Variants in PPARGC1A observed in about 807,000 individuals in gnomAD.
PPARGC1A encodes the protein PPARG coactivator 1 alpha.
In PPARGC1A, 25 loss-of-function variants were observed where a neutral mutation model predicts 88.7. The observed-to-expected ratio is 0.28, with a 90% CI of 0.21 to 0.39. The LOEUF (loss-of-function observed/expected upper bound fraction) is 0.39. Ranked by LOEUF, PPARGC1A falls within the 10% of genes least tolerant of loss-of-function variation. PPARGC1A has a pLI of 1.00. For missense variants in PPARGC1A, 880 were observed against 968.7 expected (o/e 0.91, Z 1.22); for synonymous variants, 363 against 355.6 (o/e 1.02, Z -0.24).
At chr4:23,995,599 C>T in the PPARGC1A span, among the ~76,000 whole-genome samples, 1 of 152,304 alleles carries the variant, frequency 6.6e-6, no homozygotes, top group Non-Finnish European at 1.5e-5. Context: ...CACTCTGATA[C>T]TTACATTTCT....
At chr4:24,405,692 G>C in the PPARGC1A span, among the ~76,000 whole-genome samples, 1 of 152,198 alleles carries the variant, frequency 6.6e-6, no homozygotes, top group African/African-American at 2.4e-5. Flanking sequence ...TGGATCCAAT[G>C]GTAGCCTCCA....
the PPARGC1A span, among the ~76,000 whole-genome samples, chr4:24,398,452 T>C: frequency 6.6e-6 from 1 of 152,240 alleles, no homozygotes; most frequent in Admixed American, 6.5e-5. Context: ...GGTCTTCTTT[T>C]AAATCTTACT....
intron 7 of PPARGC1A, among the ~76,000 whole-genome samples, chr4:23,815,661 G>A (rs962003469): frequency 6.6e-5 from 10 of 151,822 alleles, no homozygotes; most frequent in East Asian, 1.9e-4. Context: ...CTACTCATCC[G>A]TTTGTGCCGA....
chr4:23,943,413 C>T, the PPARGC1A span, among the ~76,000 whole-genome samples: 149,247 of 149,808 alleles, frequency 1, 74,345 homozygotes, highest in Middle Eastern at 1. Context: ...ATACATACCC[C>T]TTGGCTCAAA....
chr4:24,165,717 G>C, the PPARGC1A span, among the ~76,000 whole-genome samples: 2 of 152,156 alleles, frequency 1.3e-5, no homozygotes, highest in East Asian at 1.9e-4. Context: ...ATTTGTATTA[G>C]GGTGCCATGA....
At chr4:23,909,481 T>A in the PPARGC1A span, among the ~76,000 whole-genome samples, 1 of 150,668 alleles carries the variant, frequency 6.6e-6, no homozygotes, top group Admixed American at 6.6e-5. Flanking sequence ...TCATAGCCCC[T>A]CTAATAAAAG....
chr4:24,034,023 G>A, the PPARGC1A span, among the ~76,000 whole-genome samples: 1 of 152,166 alleles, frequency 6.6e-6, no homozygotes, highest in Non-Finnish European at 1.5e-5. Flanking sequence ...GGTGAGCAGA[G>A]TCTTGGATAG....
the PPARGC1A span, among the ~76,000 whole-genome samples, chr4:24,251,361 A>C: frequency 1.2e-4 from 18 of 152,308 alleles, no homozygotes; most frequent in Middle Eastern, 3.4e-3. Context: ...TACTTGTATG[A>C]TCTAGAATCT....
chr4:24,400,316 G>A, the PPARGC1A span, among the ~76,000 whole-genome samples: 7 of 152,120 alleles, frequency 4.6e-5, no homozygotes, highest in Non-Finnish European at 8.8e-5. Context: ...AGCTTCCATC[G>A]AATATAAAGC....
the PPARGC1A span, among the ~76,000 whole-genome samples, chr4:24,103,922 A>G: frequency 6.6e-6 from 1 of 152,208 alleles, no homozygotes; most frequent in Admixed American, 6.5e-5. Context: ...CCGTCAGGCC[A>G]AACGTCACCA....
At chr4:24,031,424 C>G in the PPARGC1A span, among the ~76,000 whole-genome samples, 6 of 152,286 alleles carry the variant, frequency 3.9e-5, no homozygotes, top group East Asian at 1.2e-3. Context: ...GAAGCGAAGG[C>G]TTTTGAATAA....
At chr4:23,828,322 G>T in intron 5 of PPARGC1A, 78 bp downstream of exon 5, 2 of 1,398,772 alleles carry the variant, frequency 1.4e-6, no homozygotes, top group Non-Finnish European at 2.0e-6. Flanking sequence ...GCAAGAAGTT[G>T]GTGTGTTCTC....
At chr4:23,883,932 T>A (rs1483458595) in intron 2 of PPARGC1A, 1 of 152,204 alleles carries the variant, frequency 6.6e-6, no homozygotes, top group Admixed American at 6.6e-5. Context: ...ATGATGATGA[T>A]GATGGCACTG....
chr4:24,119,300 T>C, the PPARGC1A span, among the ~76,000 whole-genome samples: 1 of 152,208 alleles, frequency 6.6e-6, no homozygotes, highest in Non-Finnish European at 1.5e-5. Context: ...CCTTTGGCTC[T>C]CAATGCTATC....
the PPARGC1A span, among the ~76,000 whole-genome samples, chr4:24,304,907 G>C: frequency 6.6e-6 from 1 of 152,010 alleles, no homozygotes; most frequent in African/African-American, 2.4e-5. Context: ...AAGCCAACTT[G>C]CTCATTCAAT....
chr4:24,131,823 G>T, the PPARGC1A span, among the ~76,000 whole-genome samples: 1 of 152,170 alleles, frequency 6.6e-6, no homozygotes, highest in African/African-American at 2.4e-5. Context: ...CACTTTAGAA[G>T]GAACCATTTT....
At chr4:24,186,508 T>A in the PPARGC1A span, among the ~76,000 whole-genome samples, 6 of 152,208 alleles carry the variant, frequency 3.9e-5, no homozygotes, top group South Asian at 1.2e-3. Flanking sequence ...GATCTTGGTG[T>A]CCTTCACTGC....
At chr4:24,182,696 G>A in the PPARGC1A span, among the ~76,000 whole-genome samples, 1 of 152,108 alleles carries the variant, frequency 6.6e-6, no homozygotes, top group South Asian at 2.1e-4. Flanking sequence ...CATTCTAACT[G>A]GTGTGAGATG....
chr4:23,795,504 TACAC>T lies in PPARGC1A; in HGVS notation c.*314_*317del, dbSNP rs1323066292. 3.5e-5 allele frequency: 9 copies of T among 257,518 alleles called. No individual in the cohort carries two copies. Among genetic ancestry groups the T allele is most frequent in the Non-Finnish European group, 6.7e-5 (9 of 135,040 alleles). 16.0% of individuals were successfully genotyped at this position (257,518 alleles called of 1,614,324 possible). The stretch of plus-strand genomic sequence containing the variant: ...CAAGCACACACACCACACACATACA[TACAC>T]ACACACATACATGCACACACGCACA... On this transcript the variant is annotated 3_prime_UTR_variant, in exon 13 of 13. Coordinates refer to ENST00000264867, the MANE Select transcript of PPARGC1A (RefSeq NM_013261.5).
Sources: gnomAD v4.1 joint callset for allele counts (sites outside exome capture counted in the v4.1 genomes callset) on GRCh38, gnomAD v4.1.1 for gene constraint, MANE v1.5 for transcripts, NCBI Gene and HGNC (gene_info 2026-07-23, HGNC 2026-07-21) for gene names.